BLNK: variants seen among roughly 807,000 people sequenced by gnomAD.
BLNK encodes B-cell linker protein.
BLNK carries 29 observed loss-of-function variants against 73.5 expected under a neutral mutation model. The ratio of observed to expected loss-of-function variants is 0.39; its 90% CI spans 0.29 to 0.54. The LOEUF (loss-of-function observed/expected upper bound fraction) is 0.54. BLNK is among the 20% of genes least tolerant of loss of function. The pLI is 0.61. For synonymous variants in BLNK, 176 were observed against 200.8 expected (o/e 0.88, Z 1.04); for missense variants, 460 against 562.8 (o/e 0.82, Z 1.85).
chr10:96,217,219 G>A (rs1407453321), intron 6 of BLNK, among the ~76,000 whole-genome samples: 1 of 152,164 alleles, frequency 6.6e-6, no homozygotes, highest in African/African-American at 2.4e-5. Context: ...TTCATCAGCT[G>A]ATGGACATTT....
chr10:96,238,007 C>T (rs1469415107), intron 3 of BLNK, among the ~76,000 whole-genome samples: 1 of 152,216 alleles, frequency 6.6e-6, no homozygotes, highest in African/African-American at 2.4e-5. Flanking sequence ...GGATATCTTC[C>T]CTTCCCACAG....
intron 1 of BLNK, among the ~76,000 whole-genome samples, chr10:96,250,100 C>T: frequency 6.6e-6 from 1 of 152,134 alleles, no homozygotes; most frequent in Non-Finnish European, 1.5e-5. Flanking sequence ...ATATTTTATA[C>T]TCCCTAGCTA....
chr10:96,247,370 A>T (rs1554907911), intron 1 of BLNK, among the ~76,000 whole-genome samples: 5 of 152,158 alleles, frequency 3.3e-5, no homozygotes. Context: ...GATAGATGCT[A>T]CTCTGTGGAC....
intron 1 of BLNK, among the ~76,000 whole-genome samples, chr10:96,257,036 GAGGAACAGCAGCCAGGTATC>G (rs1183810786): frequency 2.2e-4 from 33 of 152,256 alleles, no homozygotes; most frequent in South Asian, 2.1e-4. Context: ...TCAAAAGGGT[GAGGAACAGCAGCCAGGTATC>G]AGGAACAGCA....
At chr10:96,198,752 G>A (rs2083542608) in intron 15 of BLNK, among the ~76,000 whole-genome samples, 1 of 152,350 alleles carries the variant, frequency 6.6e-6, no homozygotes, top group Non-Finnish European at 1.5e-5. Context: ...AGGCTGGAGA[G>A]CAGTGGCATG....
chr10:96,244,867 T>C (rs1842992895), intron 2 of BLNK, among the ~76,000 whole-genome samples: 1 of 152,072 alleles, frequency 6.6e-6, no homozygotes, highest in African/African-American at 2.4e-5. Flanking sequence ...GGCTTCATGT[T>C]ATTGAGAACT....
intron 8 of BLNK, among the ~76,000 whole-genome samples, chr10:96,213,495 C>A (rs981207177): frequency 3.9e-5 from 6 of 152,156 alleles, no homozygotes; most frequent in Non-Finnish European, 8.8e-5. Flanking sequence ...AGGCCTCAAG[C>A]TGGGCCTTGA....
chr10:96,217,936 C>G lies in BLNK; in HGVS notation c.526-1202G>C, dbSNP rs2084106903. On this transcript the variant is annotated intron_variant, in intron 6 of 16. Transcript: ENST00000224337. ...AAGAGTTTTACAGTTTTAGCTCTTA[C>G]AGTTAGGTCTATGCTACATTTTCAG... Among the ~76,000 whole-genome samples, 2 of 152,198 alleles carry G rather than the reference C, an allele frequency of 1.3e-5. 1 individual carries two copies. The highest frequency in any genetic ancestry group is 4.1e-4 in the South Asian group (2 of 4,828).
chr10:96,228,385 G>A (rs782184024), intron 4 of BLNK, among the ~76,000 whole-genome samples: 1 of 152,176 alleles, frequency 6.6e-6, no homozygotes, highest in Non-Finnish European at 1.5e-5. Context: ...AGTCTCTGGA[G>A]TAGCTGGGAT....
intron 1 of BLNK, among the ~76,000 whole-genome samples, chr10:96,267,638 T>C (rs1457103417): frequency 6.6e-6 from 1 of 152,224 alleles, no homozygotes; most frequent in Non-Finnish European, 1.5e-5. Flanking sequence ...GGTTCTGTCA[T>C]GCTTAACATT....
chr10:96,221,050 A>G (rs2084186127), intron 6 of BLNK, among the ~76,000 whole-genome samples: 1 of 152,220 alleles, frequency 6.6e-6, no homozygotes, highest in Non-Finnish European at 1.5e-5. Context: ...CTTTCCATAC[A>G]TTATTTTATT....
At chr10:96,228,132 C>T (rs1554903111) in intron 4 of BLNK, among the ~76,000 whole-genome samples, 1 of 144,706 alleles carries the variant, frequency 6.9e-6, no homozygotes, top group African/African-American at 2.6e-5. Context: ...TGGAGTCTCA[C>T]TCTGTTGCCC....
At position 96,196,793 on chromosome 10, in the gene BLNK, A is replaced by T; in HGVS notation, c.1251+115T>A. On this transcript the variant is annotated intron_variant, in intron 16 of 16. Transcript: ENST00000224337. ...TGTTCTCTATGACATTTATGCAAGC[A>T]TTAGAACAAGTACTTTTGTATCCTT... The T allele has an allele frequency of 2.9e-6, 3 of 1,031,646 alleles. No individual in the cohort carries two copies. In the South Asian group the frequency reaches 4.1e-5, roughly 14 times the overall value. The allele number at this position is 1,031,646 out of a possible 1,614,324, so 63.9% of individuals were successfully genotyped here.
intron 3 of BLNK, among the ~76,000 whole-genome samples, chr10:96,233,380 G>C (rs1470656404): frequency 6.6e-6 from 1 of 152,114 alleles, no homozygotes; most frequent in Non-Finnish European, 1.5e-5. Flanking sequence ...ACCGTTTGTA[G>C]TTATTTTATT....
rs782580639 is a variant in BLNK at position 96,227,570 on chromosome 10, C to A, written c.205-4G>T. 5 of 1,613,934 alleles carry A rather than the reference C, an allele frequency of 3.1e-6. No homozygotes were observed. The highest frequency in any genetic ancestry group is 4.2e-6 in the Non-Finnish European group (5 of 1,180,030). On this transcript the variant is annotated splice_polypyrimidine_tract_variant and splice_region_variant and intron_variant, in intron 4 of 16. Coordinates refer to ENST00000224337, the MANE Select transcript of BLNK (RefSeq NM_013314.4). ...CTGGATTTTCATAGTCGCTGTCCTG[C>A]AAGTGCAGATGCAGACACTGTGCTC... is the stretch of plus-strand genomic sequence containing the variant.
chr10:96,236,055 G>A (rs1842677524), intron 3 of BLNK, among the ~76,000 whole-genome samples: 2 of 152,288 alleles, frequency 1.3e-5, no homozygotes, highest in South Asian at 4.2e-4. Context: ...GGGATGGCTG[G>A]AAGGACAGTA....
intron 6 of BLNK, among the ~76,000 whole-genome samples, chr10:96,220,424 T>A (rs2084171979): frequency 6.6e-6 from 1 of 152,208 alleles, no homozygotes; most frequent in East Asian, 1.9e-4. Context: ...TCTCAACAAA[T>A]TCTGTTTGTA....
intron 3 of BLNK, among the ~76,000 whole-genome samples, chr10:96,237,183 AC>A (rs1842724378): frequency 6.6e-6 from 1 of 152,136 alleles, no homozygotes; most frequent in South Asian, 2.1e-4. Context: ...GGACAGGGAG[AC>A]AGAAAACCAG....
At chr10:96,245,609 C>T (rs1321629011) in intron 2 of BLNK, among the ~76,000 whole-genome samples, 2 of 152,092 alleles carry the variant, frequency 1.3e-5, no homozygotes, top group African/African-American at 4.8e-5. Flanking sequence ...TTAAGGTAGA[C>T]TATTAAATCA....
Sources: allele counts gnomAD v4.1 joint callset (sites outside exome capture counted in the v4.1 genomes callset), GRCh38; gene constraint gnomAD v4.1.1; transcripts MANE v1.5; gene names NCBI Gene and HGNC (gene_info 2026-07-23, HGNC 2026-07-21).